The following CCSER1 variants were observed in gnomAD, a reference collection of about 807,000 sequenced individuals.
CCSER1 encodes serine-rich coiled-coil domain-containing protein 1.
A neutral mutation model predicts 82.0 loss-of-function variants in CCSER1; 41 were observed. That is an observed-to-expected ratio of 0.50 (90% CI 0.39 to 0.65). CCSER1 has a LOEUF of 0.65. Ranked by LOEUF, CCSER1 falls within the 30% of genes least tolerant of loss-of-function variation. The probability of loss-of-function intolerance (pLI) is 0.00; values close to 1 mark genes in which losing one functional copy is unlikely to be tolerated. For missense variants in CCSER1, 1,119 were observed against 1,064.2 expected (o/e 1.05, Z -0.72); for synonymous variants, 414 against 383.9 (o/e 1.08, Z -0.92).
At chr4:91,047,931 T>C (rs1742656181) in intron 9 of CCSER1, among the ~76,000 whole-genome samples, 1 of 152,132 alleles carries the variant, frequency 6.6e-6, no homozygotes, top group South Asian at 2.1e-4. Flanking sequence ...AATAAACATG[T>C]ATGTGTTAAT....
intron 9 of CCSER1, among the ~76,000 whole-genome samples, chr4:90,942,462 C>T (rs1447248390): frequency 6.6e-6 from 1 of 151,748 alleles, no homozygotes; most frequent in African/African-American, 2.4e-5. Context: ...TTCTATTTTC[C>T]TCTTTGATTT....
intron 10 of CCSER1, among the ~76,000 whole-genome samples, chr4:91,502,051 C>G (rs1759238045): frequency 6.6e-6 from 1 of 152,154 alleles, no homozygotes; most frequent in Non-Finnish European, 1.5e-5. Flanking sequence ...CGACTTAGAA[C>G]AAGGTGTCCA....
At chr4:90,713,709 G>T (rs1741079430) in intron 6 of CCSER1, among the ~76,000 whole-genome samples, 1 of 151,862 alleles carries the variant, frequency 6.6e-6, no homozygotes, top group African/African-American at 2.4e-5. Context: ...GGTTGGGGAA[G>T]TTCTTCTGGA....
At chr4:90,487,450 A>G (rs894676411) in intron 5 of CCSER1, among the ~76,000 whole-genome samples, 1 of 152,248 alleles carries the variant, frequency 6.6e-6, no homozygotes, top group Non-Finnish European at 1.5e-5. Context: ...CTCTCTGTAC[A>G]TAATATTCCT....
At chr4:90,365,806 A>G (rs1308304364) in intron 3 of CCSER1, among the ~76,000 whole-genome samples, 1 of 151,910 alleles carries the variant, frequency 6.6e-6, no homozygotes, top group Non-Finnish European at 1.5e-5. Flanking sequence ...CTGCTTGATA[A>G]TCATAATCGA....
chr4:90,596,883 A>G (rs1295007622), intron 5 of CCSER1, among the ~76,000 whole-genome samples: 1 of 151,924 alleles, frequency 6.6e-6, no homozygotes, highest in Non-Finnish European at 1.5e-5. Context: ...TGAATGACAG[A>G]CTGAAATAGT....
rs573918381 is a variant in CCSER1 at position 91,039,643 on chromosome 4, A to G, written c.2173-46307A>G. On this transcript the variant is annotated intron_variant, in intron 9 of 10. Transcript: ENST00000509176. ...GCTGAAAAAATGTATGTGTGTTTAT[A>G]TACATACATACACATATATATTTAT... Among the ~76,000 whole-genome samples the G allele has an allele frequency of 3.3e-5, 5 of 152,222 alleles. No individual in the cohort carries two copies. The South Asian group carries it at 1.0e-3, about 32-fold the overall frequency.
At chr4:90,929,338 T>C (rs1729445770) in intron 9 of CCSER1, among the ~76,000 whole-genome samples, 1 of 152,194 alleles carries the variant, frequency 6.6e-6, no homozygotes, top group African/African-American at 2.4e-5. Flanking sequence ...TATTGCTATA[T>C]ACTATATTAT....
rs537194871 is a variant in CCSER1, at chr4:90,277,865, G to A, written c.-41-30379G>A. ...AATTAAAGTAAAGAGCTTCTGCACA[G>A]CAAGAGAAACTATTAAAGGAGTAAA... On this transcript the variant is annotated intron_variant, in intron 1 of 10. Transcript: ENST00000509176. Among the ~76,000 whole-genome samples the A allele has an allele frequency of 4.6e-5, 7 of 152,242 alleles. No individual in the cohort carries two copies. In the East Asian group the frequency reaches 9.7e-4, roughly 21 times the overall value.
chr4:91,211,285 G>A (rs929339697), intron 10 of CCSER1, among the ~76,000 whole-genome samples: 1 of 152,048 alleles, frequency 6.6e-6, no homozygotes, highest in Non-Finnish European at 1.5e-5. Flanking sequence ...TTGGATTTGA[G>A]TTATATTTTG....
intron 1 of CCSER1, among the ~76,000 whole-genome samples, chr4:90,271,852 ATATATATATATTTTTT>A (rs1726476160): frequency 4.1e-5 from 1 of 24,442 alleles, no homozygotes; most frequent in Non-Finnish European, 6.3e-5. Flanking sequence ...ATATATATAT[ATATATATATATTTTTT>A]TTTTTTTTTT....
At position 91,265,410 on chromosome 4, in the gene CCSER1, AAAT is replaced by A. The variant is rs1269733066; in HGVS notation, c.2217+179420_2217+179422del. On this transcript the variant is annotated intron_variant, in intron 10 of 10. Transcript: ENST00000509176. ...TGAAGATTATCATATAAATATAAGA[AAAT>A]AATTTTTGATAACATATGTTCCTGT... Among the ~76,000 whole-genome samples, 58 of 152,180 alleles carry A rather than the reference AAAT, an allele frequency of 3.8e-4. 1 individual carries two copies. Among genetic ancestry groups the A allele is most frequent in the African/African-American group, 4.8e-5 (2 of 41,448 alleles).
At chr4:91,046,326 G>C (rs1390935542) in intron 9 of CCSER1, among the ~76,000 whole-genome samples, 4 of 150,512 alleles carry the variant, frequency 2.7e-5, no homozygotes, top group African/African-American at 9.7e-5. Context: ...ATTTTTCTAT[G>C]TATGTATAGT....
chr4:91,331,874 A>C (rs963712081), intron 10 of CCSER1, among the ~76,000 whole-genome samples: 7 of 152,162 alleles, frequency 4.6e-5, no homozygotes, highest in African/African-American at 7.2e-5. Context: ...TAGGCCAACT[A>C]CAAGACCTGT....
intron 9 of CCSER1, among the ~76,000 whole-genome samples, chr4:91,016,233 T>C (rs1475306046): frequency 9.2e-5 from 14 of 152,120 alleles, no homozygotes; most frequent in Admixed American, 9.2e-4. Flanking sequence ...AAATTAATAT[T>C]AACAAAATAA....
At chr4:90,867,132 G>T (rs1765841478) in intron 8 of CCSER1, among the ~76,000 whole-genome samples, 1 of 152,102 alleles carries the variant, frequency 6.6e-6, no homozygotes, top group East Asian at 2.0e-4. Flanking sequence ...AATACAGTGT[G>T]CTGTATGCCA....
intron 1 of CCSER1, among the ~76,000 whole-genome samples, chr4:90,246,113 A>T (rs928664239): frequency 6.6e-6 from 1 of 152,158 alleles, no homozygotes; most frequent in African/African-American, 2.4e-5. Context: ...TTCAAAGATA[A>T]TGTAGTCTTT....
At chr4:91,211,299 T>A (rs1736804019) in intron 10 of CCSER1, among the ~76,000 whole-genome samples, 1 of 152,056 alleles carries the variant, frequency 6.6e-6, no homozygotes. Context: ...TATTTTGAAA[T>A]GATAACCCAC....
chr4:91,263,000 T>C (rs1460929043), intron 10 of CCSER1, among the ~76,000 whole-genome samples: 3 of 152,030 alleles, frequency 2.0e-5, no homozygotes, highest in Non-Finnish European at 4.4e-5. Context: ...TGGGCCTTAA[T>C]ATCATCATCT....
Sources: allele counts gnomAD v4.1 joint callset (sites outside exome capture counted in the v4.1 genomes callset), GRCh38; gene constraint gnomAD v4.1.1; transcripts MANE v1.5; gene names NCBI Gene and HGNC (gene_info 2026-07-23, HGNC 2026-07-21).